NCOA1: variants seen among roughly 807,000 people sequenced by gnomAD.
NCOA1 encodes nuclear receptor coactivator 1, also known as Hin-2 protein.
Under a neutral mutation model 150.9 loss-of-function variants are expected in NCOA1, and 35 were observed. The observed-to-expected ratio is 0.23, with a 90% CI of 0.18 to 0.31. NCOA1 has a LOEUF of 0.31. Ranked by LOEUF, NCOA1 falls within the 10% of genes least tolerant of loss-of-function variation. The pLI, the probability that NCOA1 is intolerant of heterozygous loss-of-function variation, is 1.00. For missense variants in NCOA1, 1,491 were observed against 1,749.3 expected (o/e 0.85, Z 2.63); for synonymous variants, 590 against 630.0 (o/e 0.94, Z 0.95).
intron 1 of NCOA1, among the ~76,000 whole-genome samples, chr2:24,552,532 A>AT (rs1665901903): frequency 6.6e-6 from 1 of 150,514 alleles, no homozygotes. Flanking sequence ...CACCCAGCTA[A>AT]TTTTTTGTAT....
chr2:24,541,311 A>G (rs1665384095), intron 1 of NCOA1, among the ~76,000 whole-genome samples: 1 of 152,190 alleles, frequency 6.6e-6, no homozygotes, highest in Non-Finnish European at 1.5e-5. Flanking sequence ...AGGTGAACCA[A>G]GAATCATGTC....
At chr2:24,618,863 A>G (rs1424690014) in intron 3 of NCOA1, among the ~76,000 whole-genome samples, 1 of 152,204 alleles carries the variant, frequency 6.6e-6, no homozygotes, top group Non-Finnish European at 1.5e-5. Flanking sequence ...GAGGCATGTC[A>G]TGCTAATAGT....
intron 2 of NCOA1, among the ~76,000 whole-genome samples, chr2:24,574,920 C>A (rs554638990): frequency 1.3e-5 from 2 of 152,076 alleles, no homozygotes; most frequent in South Asian, 2.1e-4. Flanking sequence ...TTTCTTTCCC[C>A]CCAATCACTG....
At position 24,706,600 on chromosome 2, in the gene NCOA1, C is replaced by A. The variant is rs139389349; in HGVS notation, c.1130C>A (p.Thr377Asn). 3.7e-4 allele frequency: 593 copies of A among 1,613,628 alleles called. No homozygotes were observed. The highest frequency in any genetic ancestry group is 4.9e-4 in the Non-Finnish European group (579 of 1,179,638). Residue 377 changes from threonine to asparagine, a missense_variant, in exon 13 of 23, where the codon ACT (threonine) becomes AAT (asparagine). Thr to Asn is a moderately conservative substitution (Grantham distance 65). Transcript: ENST00000348332. ...AGTGGGCTTTCTCCTCAAGATGACA[C>A]TAATTCTGGAATGTCAATTCCCCGA... The part of the protein sequence containing the change: ...EHSGLSPQDD[T>N]NSGMSIPRVN...
chr2:24,700,759 C>A (rs899024096), intron 11 of NCOA1, among the ~76,000 whole-genome samples: 1 of 152,082 alleles, frequency 6.6e-6, no homozygotes, highest in Non-Finnish European at 1.5e-5. Flanking sequence ...TCCCAAGGTC[C>A]CTGATAAGAT....
intron 3 of NCOA1, among the ~76,000 whole-genome samples, chr2:24,611,694 A>ACT (rs1295972429): frequency 2.0e-5 from 3 of 151,588 alleles, no homozygotes; most frequent in African/African-American, 7.3e-5. Flanking sequence ...TTCTTTTTTT[A>ACT]CTGTTATTTT....
intron 1 of NCOA1, among the ~76,000 whole-genome samples, chr2:24,505,396 C>T (rs900139364): frequency 1.3e-5 from 2 of 152,138 alleles, no homozygotes; most frequent in Non-Finnish European, 2.9e-5. Context: ...TCAGGCTGGT[C>T]TTGAACTCTC....
At chr2:24,708,177 C>T (rs1002233198) in intron 13 of NCOA1, among the ~76,000 whole-genome samples, 1 of 152,252 alleles carries the variant, frequency 6.6e-6, no homozygotes. Context: ...TTCCCTGCCC[C>T]TCTCTCCCAG....
At chr2:24,576,739 C>T (rs1326025095) in intron 2 of NCOA1, among the ~76,000 whole-genome samples, 2 of 152,148 alleles carry the variant, frequency 1.3e-5, no homozygotes, top group African/African-American at 4.8e-5. Context: ...CTCAGTGTTT[C>T]AGGTGTTTGG....
chr2:24,588,432 C>T (rs56383236), intron 3 of NCOA1, among the ~76,000 whole-genome samples: 2,548 of 152,236 alleles, frequency 0.017, 30 homozygotes, highest in South Asian at 0.033. Context: ...CCCTGTCCCT[C>T]GGTTTCTGCT....
At chr2:24,606,073 C>CTTAA (rs1668348879) in intron 3 of NCOA1, among the ~76,000 whole-genome samples, 1 of 151,932 alleles carries the variant, frequency 6.6e-6, no homozygotes, top group South Asian at 2.1e-4. Flanking sequence ...AGGAGGTTCT[C>CTTAA]TTTAAGATTT....
intron 3 of NCOA1, among the ~76,000 whole-genome samples, chr2:24,612,911 T>A (rs1186477239): frequency 2.0e-5 from 3 of 152,172 alleles, no homozygotes; most frequent in African/African-American, 7.2e-5. Context: ...TTAGGGGCCA[T>A]TGCTGGAGAG....
chr2:24,729,907 G>A, intron 17 of NCOA1, 92 bp downstream of exon 17: 2 of 1,360,710 alleles, frequency 1.5e-6, no homozygotes, highest in South Asian at 2.8e-5. Context: ...GTGCAGTAGT[G>A]CTATCTCAGC....
chr2:24,741,022 C>G (rs1338477121), intron 18 of NCOA1, among the ~76,000 whole-genome samples: 5 of 152,246 alleles, frequency 3.3e-5, no homozygotes, highest in African/African-American at 1.2e-4. Context: ...TCTGAAACTC[C>G]AATAATAATA....
intron 21 of NCOA1, among the ~76,000 whole-genome samples, chr2:24,760,489 G>A (rs578074134): frequency 4.6e-5 from 7 of 151,794 alleles, no homozygotes; most frequent in South Asian, 2.1e-4. Context: ...GCAGGCCTGC[G>A]GCTAATGAGC....
chr2:24,757,291 T>G (rs1236316663), intron 20 of NCOA1, among the ~76,000 whole-genome samples: 13 of 152,138 alleles, frequency 8.5e-5, no homozygotes. Flanking sequence ...TGCACTACAC[T>G]TCAAAAAATG....
Position 24,687,715 on chromosome 2 carries a change from A to G in NCOA1, c.533-3766A>G, listed in dbSNP as rs112768952. ...GAGAACTCACCATCACGAGAACAGC[A>G]TGGGGGGAGCTGCCCCCATGATCCA... On this transcript the variant is annotated intron_variant, in intron 8 of 22. Transcript: ENST00000348332. 1.0e-3 allele frequency among the ~76,000 whole-genome samples: 152 copies of G among 152,272 alleles called. 1 individual carries two copies. The highest frequency in any genetic ancestry group is 3.4e-3 in the African/African-American group (140 of 41,560).
At chr2:24,763,355 T>C (rs1322422175) in intron 22 of NCOA1, among the ~76,000 whole-genome samples, 8 of 151,570 alleles carry the variant, frequency 5.3e-5, no homozygotes, top group Non-Finnish European at 1.0e-4. Flanking sequence ...CTGGCTAACA[T>C]GGTGAAACCC....
intron 11 of NCOA1, among the ~76,000 whole-genome samples, chr2:24,699,657 A>G (rs1331454463): frequency 1.3e-5 from 2 of 152,234 alleles, no homozygotes; most frequent in Non-Finnish European, 1.5e-5. Flanking sequence ...TGGAGATTCT[A>G]AACAACCTGA....
Sources: allele counts gnomAD v4.1 joint callset (sites outside exome capture counted in the v4.1 genomes callset), GRCh38; gene constraint gnomAD v4.1.1; transcripts MANE v1.5; gene names NCBI Gene and HGNC (gene_info 2026-07-23, HGNC 2026-07-21).